PHACTR2: variants seen among roughly 807,000 people sequenced by gnomAD.
The protein encoded by PHACTR2 is phosphatase and actin regulator 2.
PHACTR2 carries 30 observed loss-of-function variants against 76.0 expected under a neutral mutation model. The ratio of observed to expected loss-of-function variants is 0.39; its 90% CI spans 0.30 to 0.54. PHACTR2 has a LOEUF of 0.54. Among genes scored for constraint, PHACTR2 ranks in the 20% least tolerant of loss-of-function variants. The pLI is 0.61. For missense variants in PHACTR2, 696 were observed against 781.1 expected, an observed-to-expected ratio of 0.89 and a Z score of 1.30; for synonymous variants, 292 against 292.5, an observed-to-expected ratio of 1.00 and a Z score of 0.02.
intron 1 of PHACTR2, among the ~76,000 whole-genome samples, chr6:143,670,319 C>T (rs1343632673): frequency 2.0e-5 from 3 of 152,092 alleles, no homozygotes; most frequent in Non-Finnish European, 4.4e-5. Flanking sequence ...AATTATGTGT[C>T]TTGGGGTTGC....
At chr6:143,577,287 C>T (rs1257422102) in intron 1 of PHACTR2, among the ~76,000 whole-genome samples, 6 of 152,180 alleles carry the variant, frequency 3.9e-5, no homozygotes, top group African/African-American at 1.4e-4. Context: ...AACTTGGTCC[C>T]TGCCCTTGGG....
rs1776014748 is a variant in PHACTR2, at chr6:143,803,977, C to T, written c.1846-3080C>T. On this transcript the variant is annotated intron_variant, in intron 11 of 12. Transcript: ENST00000440869. The surrounding 1 kb of genome is among the most constrained non-coding windows in gnomAD (Gnocchi z 4.7). Reference sequence around the variant, plus strand: ...ATCTCTCTCTAGCAAGTCATGTGACCTCTCTAGGCCTCCATTGCATCAGCT... The same window carrying T: ...ATCTCTCTCTAGCAAGTCATGTGACTTCTCTAGGCCTCCATTGCATCAGCT... Among the ~76,000 whole-genome samples the T allele has an allele frequency of 6.6e-6, 1 of 152,224 alleles. No homozygotes were observed. Among genetic ancestry groups the T allele is most frequent in the African/African-American group, 2.4e-5 (1 of 41,460 alleles).
rs1478253958 is a variant in PHACTR2, at chr6:143,830,919, T to C, written c.*7230T>C. 6.6e-6 allele frequency: 1 copy of C among 152,232 alleles called. No homozygotes were observed. The highest frequency in any genetic ancestry group is 2.4e-5 in the African/African-American group (1 of 41,460). The allele number at this position is 152,232 out of a possible 1,614,324, so 9.4% of individuals were successfully genotyped here. Reference sequence around the variant, plus strand: ...AAAAAGAGTAAGACAACTTCCCTAATTGCCTGTTATTTCAGCTTCACCTAA... The same window carrying C: ...AAAAAGAGTAAGACAACTTCCCTAACTGCCTGTTATTTCAGCTTCACCTAA... On this transcript the variant is annotated 3_prime_UTR_variant, in exon 13 of 13. Transcript: ENST00000440869.
In PHACTR2 at chr6:143,608,426, A is replaced by T. The variant is rs1775920618; in HGVS notation, c.13+104A>T. On this transcript the variant is annotated intron_variant, in intron 1 of 11. Coordinates refer to the PHACTR2 transcript ENST00000305766. This position sits in a 1 kb window ranked among gnomAD's most constrained non-coding sequence, Gnocchi z 4.6. Reference sequence around the variant, plus strand: ...TATTTGTTGCTCTCGTTTTGCACTTAAATGTTCAAGACTGAGACGCGTGTA... The same window carrying T: ...TATTTGTTGCTCTCGTTTTGCACTTTAATGTTCAAGACTGAGACGCGTGTA... 5.1e-6 allele frequency: 6 copies of T among 1,180,976 alleles called. No homozygotes were observed. The Admixed American group carries it at 5.4e-5, about 11-fold the overall frequency. The allele number at this position is 1,180,976 out of a possible 1,614,324, so 73.2% of individuals were successfully genotyped here. A position where few individuals can be genotyped will look rare whatever the true frequency, so the allele number is the denominator to read the frequency against.
intron 1 of PHACTR2, among the ~76,000 whole-genome samples, chr6:143,572,767 G>A (rs955388962): frequency 6.6e-6 from 1 of 152,090 alleles, no homozygotes; most frequent in Non-Finnish European, 1.5e-5. Context: ...TGGCCAGGCT[G>A]GTCTCAAACT....
At chr6:143,714,057 C>A (rs1180145261) in intron 2 of PHACTR2, among the ~76,000 whole-genome samples, 3 of 152,032 alleles carry the variant, frequency 2.0e-5, no homozygotes, top group Admixed American at 1.3e-4. Context: ...TGGCAAAAAA[C>A]CGCAATTACT....
In PHACTR2 at chr6:143,700,616, C is replaced by T; in HGVS notation, c.47-11400C>T. Among the ~76,000 whole-genome samples, 1 of 152,324 alleles carries T rather than the reference C, an allele frequency of 6.6e-6. No homozygotes were observed. Among genetic ancestry groups the T allele is most frequent in the East Asian group, 1.9e-4 (1 of 5,190 alleles). On this transcript the variant is annotated intron_variant, in intron 1 of 12. Transcript: ENST00000440869. The surrounding 1 kb of genome is among the most constrained non-coding windows in gnomAD (Gnocchi z 4.1). ...TGATATTTCAGTATATTTTATTTCA[C>T]AAATTATATATAAGGTCTACCAGCT...
chr6:143,724,892 A>G (rs1778524820), intron 2 of PHACTR2, among the ~76,000 whole-genome samples: 1 of 152,182 alleles, frequency 6.6e-6, no homozygotes, highest in African/African-American at 2.4e-5. Flanking sequence ...ATTCATTCTG[A>G]CAGCTCCAGT....
chr6:143,750,976 G>A lies in PHACTR2; in HGVS notation c.295+1911G>A, dbSNP rs1259845712. Among the ~76,000 whole-genome samples the A allele has an allele frequency of 6.6e-6, 1 of 152,146 alleles. No individual in the cohort carries two copies. Among genetic ancestry groups the A allele is most frequent in the Non-Finnish European group, 1.5e-5 (1 of 68,014 alleles). On this transcript the variant is annotated intron_variant, in intron 3 of 12. Coordinates refer to ENST00000440869, the MANE Select transcript of PHACTR2 (RefSeq NM_001100164.2). The surrounding 1 kb of genome is among the most constrained non-coding windows in gnomAD (Gnocchi z 4.6). ...CCTGAGGATGTCAGTAGTAAATGGA[G>A]TCCTTCCCCTTTTCAGCTGAGGGCT...
In PHACTR2 at chr6:143,658,178, G is replaced by T. The variant is rs1265596380; in HGVS notation, c.13+49856G>T. 1.3e-5 allele frequency among the ~76,000 whole-genome samples: 2 copies of T among 152,092 alleles called. No homozygotes were observed. The highest frequency in any genetic ancestry group is 4.8e-5 in the African/African-American group (2 of 41,410). On this transcript the variant is annotated intron_variant, in intron 1 of 11. Transcript: ENST00000305766. The surrounding 1 kb of genome is among the most constrained non-coding windows in gnomAD (Gnocchi z 4.1). ...GACAAGTAGAATTTCTGAGTCATAG[G>T]GTAGGTGTATGTTTAACATTACAGA...
Position 143,589,252 on chromosome 6 carries a change from T to C in PHACTR2, c.217+52045T>C, listed in dbSNP as rs1582686750. 6.6e-6 allele frequency among the ~76,000 whole-genome samples: 1 copy of C among 152,194 alleles called. No homozygotes were observed. Among genetic ancestry groups the C allele is most frequent in the Non-Finnish European group, 1.5e-5 (1 of 68,030 alleles). On this transcript the variant is annotated intron_variant, in intron 1 of 11. Transcript: ENST00000367584. This position sits in a 1 kb window ranked among gnomAD's most constrained non-coding sequence, Gnocchi z 4.4. ...AATCTCCAGTGTTGGAGGAGGGGTC[T>C]GGTGGGAGGTGATTGGATCATGGGG...
intron 1 of PHACTR2, among the ~76,000 whole-genome samples, chr6:143,565,604 CAAAAAAAAA>C (rs556657528): frequency 5.7e-5 from 6 of 105,980 alleles, no homozygotes; most frequent in African/African-American, 2.2e-4. Context: ...GACTCCGTCT[CAAAAAAAAA>C]AAAAAAAAAA....
chr6:143,748,329 G>C lies in PHACTR2; in HGVS notation c.215-656G>C, dbSNP rs528487485. On this transcript the variant is annotated intron_variant, in intron 2 of 12. Transcript: ENST00000440869. ...TCCACCCACCTCGGCCCCCGCCAAA[G>C]TGCTAGGATTACAGGCATGAGCCAC... 5.9e-5 allele frequency among the ~76,000 whole-genome samples: 9 copies of C among 152,346 alleles called. 1 individual carries two copies. The South Asian group carries it at 1.9e-3, about 32-fold the overall frequency.
Position 143,595,873 on chromosome 6 carries a change from C to A in PHACTR2, c.217+58666C>A, listed in dbSNP as rs1042711618. Among the ~76,000 whole-genome samples, 2 of 152,170 alleles carry A rather than the reference C, an allele frequency of 1.3e-5. No homozygotes were observed. The highest frequency in any genetic ancestry group is 4.8e-5 in the African/African-American group (2 of 41,430). On this transcript the variant is annotated intron_variant, in intron 1 of 11. Transcript: ENST00000367584. This position sits in a 1 kb window ranked among gnomAD's most constrained non-coding sequence, Gnocchi z 4.2. ...GCTATTTAAACATTAATCCTTTAAC[C>A]TTTTCCTTCTCCCTTCCTGTCTACT...
At position 143,570,904 on chromosome 6, in the gene PHACTR2, T is replaced by A. The variant is rs1775439279; in HGVS notation, c.217+33697T>A. On this transcript the variant is annotated intron_variant, in intron 1 of 11. Transcript: ENST00000367584. This position sits in a 1 kb window ranked among gnomAD's most constrained non-coding sequence, Gnocchi z 4.6. ...TGCCCTGATTCCCTAACCTAAGGGA[T>A]GGCTCTGCAAGTGGTGATCGATGTT... Among the ~76,000 whole-genome samples, 1 of 152,168 alleles carries A rather than the reference T, an allele frequency of 6.6e-6. No homozygotes were observed. Among genetic ancestry groups the A allele is most frequent in the Non-Finnish European group, 1.5e-5 (1 of 68,032 alleles).
rs145216501 is a variant in PHACTR2 at position 143,799,579 on chromosome 6, C to T, written c.1846-7478C>T. ...TAGCTGTGTCCCAGAGATTCTGGTA[C>T]ATTGTGTCTTTGTTCTCATTGGTTT... On this transcript the variant is annotated intron_variant, in intron 11 of 12. Transcript: ENST00000440869. Among the ~76,000 whole-genome samples, 1,471 of 152,282 alleles carry T rather than the reference C, an allele frequency of 9.7e-3. 17 individuals carry two copies. Among genetic ancestry groups the T allele is most frequent in the African/African-American group, 0.034 (1,392 of 41,542 alleles).
upstream of PHACTR2, among the ~76,000 whole-genome samples, chr6:143,673,684 A>G (rs1777193951): frequency 6.6e-6 from 1 of 151,954 alleles, no homozygotes; most frequent in South Asian, 2.1e-4. Context: ...TTTTCCTCCC[A>G]GGGTAGGGAG....
At chr6:143,711,641 G>C (rs910905202) in intron 1 of PHACTR2, among the ~76,000 whole-genome samples, 1 of 152,190 alleles carries the variant, frequency 6.6e-6, no homozygotes, top group Non-Finnish European at 1.5e-5. Flanking sequence ...GAGAATGTCA[G>C]ACTAGTCTCT....
Position 143,827,155 on chromosome 6 carries a change from A to AATAT in PHACTR2, c.*3507_*3510dup, listed in dbSNP as rs67124785. 0.053 allele frequency: 4,077 copies of AATAT among 76,556 alleles called. 219 individuals are homozygous for AATAT. The highest frequency in any genetic ancestry group is 0.061 in the Non-Finnish European group (2,468 of 40,682). The allele number at this position is 76,556 out of a possible 1,614,324, so 4.7% of individuals were successfully genotyped here. A position where few individuals can be genotyped will look rare whatever the true frequency, so the allele number is the denominator to read the frequency against. ...GGGCTGCGTTGGCATTAAAAAAGAA[A>AATAT]ATATATATATATATATATATATATA... On this transcript the variant is annotated 3_prime_UTR_variant, in exon 13 of 13. Coordinates refer to ENST00000440869, the MANE Select transcript of PHACTR2 (RefSeq NM_001100164.2).
Sources: allele counts gnomAD v4.1 joint callset (sites outside exome capture counted in the v4.1 genomes callset), GRCh38; gene constraint gnomAD v4.1.1; non-coding constraint Gnocchi (gnomAD v3.1); transcripts MANE v1.5; gene names NCBI Gene and HGNC (gene_info 2026-07-23, HGNC 2026-07-21).